LRP1B: variants seen among roughly 807,000 people sequenced by gnomAD.
The protein encoded by LRP1B is low-density lipoprotein receptor-related protein 1B.
In LRP1B, 217 loss-of-function variants were observed where a neutral mutation model predicts 556.6. The observed-to-expected ratio is 0.39, with a 90% CI of 0.35 to 0.44. The LOEUF is 0.44. Among genes scored for constraint, LRP1B ranks in the 20% least tolerant of loss-of-function variants. The probability of loss-of-function intolerance (pLI) is 1.00; values close to 1 mark genes in which losing one functional copy is unlikely to be tolerated. For synonymous variants in LRP1B, 2,047 were observed against 1,865.8 expected, an observed-to-expected ratio of 1.10 and a Z score of -2.50; for missense variants, 5,053 against 5,620.8, an observed-to-expected ratio of 0.90 and a Z score of 3.23.
At chr2:141,192,072 C>T (rs1249438) in intron 6 of LRP1B, among the ~76,000 whole-genome samples, 1,537 of 152,014 alleles carry the variant, frequency 0.01, 25 homozygotes, top group African/African-American at 0.035. Context: ...CACTACAGAA[C>T]TTAATAATAA....
chr2:140,602,204 TA>T (rs11433115), intron 41 of LRP1B, among the ~76,000 whole-genome samples: 6 of 150,802 alleles, frequency 4.0e-5, no homozygotes, highest in East Asian at 2.0e-4. Flanking sequence ...ACTAATGAGA[TA>T]AAAAAAAACA....
intron 2 of LRP1B, among the ~76,000 whole-genome samples, chr2:141,568,593 T>C (rs1686418526): frequency 6.6e-6 from 1 of 151,288 alleles, no homozygotes; most frequent in Admixed American, 6.6e-5. Context: ...TAGTTTCATC[T>C]ACAGATCTTT....
chr2:140,869,911 G>A (rs1049216944), intron 25 of LRP1B, among the ~76,000 whole-genome samples: 2 of 152,032 alleles, frequency 1.3e-5, no homozygotes, highest in African/African-American at 4.8e-5. Context: ...ACTTTGGCAT[G>A]CTAAGCACTT....
At chr2:140,279,647 GC>G (rs1682830619) in intron 84 of LRP1B, among the ~76,000 whole-genome samples, 1 of 151,702 alleles carries the variant, frequency 6.6e-6, no homozygotes, top group East Asian at 1.9e-4. Context: ...TTGGTACTTA[GC>G]CCAGTGGAAA....
chr2:141,354,171 A>G (rs1024050757), intron 3 of LRP1B, among the ~76,000 whole-genome samples: 2 of 151,974 alleles, frequency 1.3e-5, no homozygotes, highest in African/African-American at 4.8e-5. Context: ...CAAACAGTTT[A>G]CCTATATAAC....
chr2:141,175,776 A>G (rs1311096745), intron 7 of LRP1B, among the ~76,000 whole-genome samples: 3 of 152,092 alleles, frequency 2.0e-5, no homozygotes, highest in African/African-American at 7.2e-5. Flanking sequence ...ATCTACCAAC[A>G]GCTTGCACCA....
chr2:140,406,729 G>C (rs573815822), intron 66 of LRP1B, among the ~76,000 whole-genome samples: 13 of 152,182 alleles, frequency 8.5e-5, no homozygotes, highest in African/African-American at 2.9e-4. Flanking sequence ...CATGTTCATG[G>C]ATGGAAAGAA....
intron 2 of LRP1B, among the ~76,000 whole-genome samples, chr2:141,651,230 C>T (rs1182705285): frequency 6.6e-6 from 1 of 152,102 alleles, no homozygotes; most frequent in Non-Finnish European, 1.5e-5. Context: ...TAATGCATAA[C>T]TCCACAGGTT....
chr2:141,549,243 A>T (rs1342395595), intron 2 of LRP1B, among the ~76,000 whole-genome samples: 1 of 152,174 alleles, frequency 6.6e-6, no homozygotes, highest in Non-Finnish European at 1.5e-5. Flanking sequence ...AATGGAGATG[A>T]TAAATGTAAA....
chr2:140,849,207 A>G, intron 29 of LRP1B, among the ~76,000 whole-genome samples: 1 of 30,152 alleles, frequency 3.3e-5, no homozygotes, highest in African/African-American at 6.6e-5. Flanking sequence ...ATACAAAAAA[A>G]AAAAAAAAAA....
At chr2:140,717,041 T>G (rs1339767118) in intron 35 of LRP1B, among the ~76,000 whole-genome samples, 2 of 152,078 alleles carry the variant, frequency 1.3e-5, no homozygotes, top group African/African-American at 4.8e-5. Flanking sequence ...AAGTATTTTT[T>G]GAAATATTAT....
chr2:141,968,794 T>C (rs1701637907), intron 1 of LRP1B, among the ~76,000 whole-genome samples: 1 of 151,726 alleles, frequency 6.6e-6, no homozygotes, highest in Admixed American at 6.6e-5. Flanking sequence ...AAGTTCACCC[T>C]TAATTGTTTG....
chr2:140,474,722 T>C (rs1461221926), intron 60 of LRP1B, among the ~76,000 whole-genome samples: 1 of 151,908 alleles, frequency 6.6e-6, no homozygotes, highest in Non-Finnish European at 1.5e-5. Flanking sequence ...ACTTTAGTCA[T>C]GTACATAGCT....
At chr2:140,401,236 G>A (rs1370996183) in intron 66 of LRP1B, among the ~76,000 whole-genome samples, 1 of 152,170 alleles carries the variant, frequency 6.6e-6, no homozygotes, top group Non-Finnish European at 1.5e-5. Context: ...GAAAGCCTCT[G>A]TTGCTGTCTC....
At chr2:141,406,745 G>A (rs1690655952) in intron 3 of LRP1B, among the ~76,000 whole-genome samples, 1 of 151,988 alleles carries the variant, frequency 6.6e-6, no homozygotes, top group Non-Finnish European at 1.5e-5. Flanking sequence ...CACCATAGGA[G>A]GAGATTTAAT....
At chr2:140,549,965 G>T (rs192558143) in intron 43 of LRP1B, among the ~76,000 whole-genome samples, 164 of 151,582 alleles carry the variant, frequency 1.1e-3, no homozygotes, top group African/African-American at 3.3e-3. Context: ...CCATCAACCC[G>T]TCACCTAGAT....
chr2:140,794,675 A>T (rs1350555576), intron 32 of LRP1B, among the ~76,000 whole-genome samples: 1 of 151,502 alleles, frequency 6.6e-6, no homozygotes, highest in African/African-American at 2.4e-5. Context: ...GTGCAATGGT[A>T]CAATCTCGGC....
chr2:141,628,672 A>T lies in LRP1B; in HGVS notation c.206-148139T>A, dbSNP rs182864765. Among the ~76,000 whole-genome samples the T allele has an allele frequency of 5.9e-5, 9 of 152,114 alleles. No homozygotes were observed. In the East Asian group the frequency reaches 1.7e-3, roughly 30 times the overall value. On this transcript the variant is annotated intron_variant, in intron 2 of 90. Coordinates refer to ENST00000389484, the MANE Select transcript of LRP1B (RefSeq NM_018557.3). ...CAAGTTTCTAATTTTTTTTTGAAAT[A>T]GGGTCTCACTCTGTCACCCAGGCTG... is the stretch of plus-strand genomic sequence containing the variant.
chr2:141,229,153 T>C (rs112945475), intron 6 of LRP1B, 30 bp downstream of exon 6: 6 of 1,607,174 alleles, frequency 3.7e-6, no homozygotes, highest in Non-Finnish European at 3.4e-6. Context: ...CAGTAAAGGG[T>C]GGCATATAAT....
Sources: allele counts gnomAD v4.1 joint callset (sites outside exome capture counted in the v4.1 genomes callset), GRCh38; gene constraint gnomAD v4.1.1; transcripts MANE v1.5; gene names NCBI Gene and HGNC (gene_info 2026-07-23, HGNC 2026-07-21).